Variants in TAB2 observed in about 807,000 individuals in gnomAD.
TAB2 encodes TGF-beta activated kinase 1 (MAP3K7) binding protein 2, also known as TGF-beta-activated kinase 1 and MAP3K7-binding protein 2.
In TAB2, 3 loss-of-function variants were observed where a neutral mutation model predicts 65.0. The ratio of observed to expected loss-of-function variants is 0.05; its 90% CI spans 0.02 to 0.12. TAB2 has a LOEUF of 0.12. Among genes scored for constraint, TAB2 ranks in the 10% least tolerant of loss-of-function variants. The pLI, the probability that TAB2 is intolerant of heterozygous loss-of-function variation, is 1.00. For missense variants in TAB2, 623 were observed against 840.3 expected (o/e 0.74, Z 3.20); for synonymous variants, 298 against 285.1 (o/e 1.05, Z -0.46).
intron 3 of TAB2, among the ~76,000 whole-genome samples, chr6:149,383,506 A>G (rs75743710): frequency 0.016 from 2,501 of 152,314 alleles, 75 homozygotes; most frequent in African/African-American, 0.057. Context: ...TGGGATTGGT[A>G]CTGTTCTCCA....
At chr6:149,256,099 C>T (rs1778026508) in intron 1 of TAB2, among the ~76,000 whole-genome samples, 2 of 152,124 alleles carry the variant, frequency 1.3e-5, no homozygotes, top group Non-Finnish European at 2.9e-5. Flanking sequence ...GAGACACTTC[C>T]AGAAAAGAAC....
Position 149,379,177 on chromosome 6 carries a change from AC to A in TAB2, c.1263del (p.Asn421LysfsTer6). The A allele has an allele frequency of 6.2e-7, 1 of 1,614,238 alleles. No individual in the cohort carries two copies. The highest frequency in any genetic ancestry group is 8.5e-7 in the Non-Finnish European group (1 of 1,180,042). ...TCTGGAGCATCTGCTGCCTCCAGGA[AC>A]ATGTCTGGGCAAGTGAGCATGGGTC... ...TNSGASAASRNMSGQVSMGPA... is the reference protein window; with the variant it reads ...TNSGASAASRXMSGQVSMGPA... On this transcript the variant is annotated frameshift_variant, in exon 3 of 7. Coordinates refer to ENST00000637181, the MANE Select transcript of TAB2 (RefSeq NM_001292034.3). LOFTEE classifies it high-confidence loss of function.
At chr6:149,275,296 G>GAAA in intron 1 of TAB2, among the ~76,000 whole-genome samples, 1 of 132,660 alleles carries the variant, frequency 7.5e-6, no homozygotes, top group African/African-American at 2.8e-5. Context: ...AAGAAAGAAA[G>GAAA]AAAGAGAAAA....
intron 1 of TAB2, among the ~76,000 whole-genome samples, chr6:149,271,140 A>G (rs1778355065): frequency 6.6e-6 from 1 of 152,022 alleles, no homozygotes; most frequent in Non-Finnish European, 1.5e-5. Context: ...CCCAGGAGTT[A>G]GAGGCTGCAG....
chr6:149,274,714 A>C (rs1778423150), intron 1 of TAB2, among the ~76,000 whole-genome samples: 1 of 152,202 alleles, frequency 6.6e-6, no homozygotes, highest in African/African-American at 2.4e-5. Context: ...TTCCAGACAA[A>C]GTGAGGACCA....
At chr6:149,403,618 T>G (rs569621768) in intron 6 of TAB2, among the ~76,000 whole-genome samples, 1 of 151,946 alleles carries the variant, frequency 6.6e-6, no homozygotes, top group South Asian at 2.1e-4. Flanking sequence ...TGGCTCACAG[T>G]TCTGCAGAAA....
chr6:149,332,171 T>TA (rs1779804374), intron 1 of TAB2, among the ~76,000 whole-genome samples: 1 of 152,166 alleles, frequency 6.6e-6, no homozygotes. Context: ...GCCTTTTTTT[T>TA]GGATGTGTTA....
At chr6:149,275,386 A>G (rs182141387) in intron 1 of TAB2, among the ~76,000 whole-genome samples, 4 of 152,220 alleles carry the variant, frequency 2.6e-5, no homozygotes, top group African/African-American at 9.6e-5. Context: ...TCCAATGGTC[A>G]AGGCAGGAAC....
chr6:149,367,556 T>C (rs1697794838), intron 1 of TAB2, among the ~76,000 whole-genome samples: 2 of 152,118 alleles, frequency 1.3e-5, no homozygotes, highest in South Asian at 2.1e-4. Context: ...TGACTCTGAT[T>C]TACTTTTCAC....
intron 3 of TAB2, among the ~76,000 whole-genome samples, chr6:149,384,785 G>A (rs543875188): frequency 1.3e-5 from 2 of 152,120 alleles, no homozygotes; most frequent in South Asian, 4.1e-4. Flanking sequence ...TATAGGTATG[G>A]AGGACAAAGC....
intron 1 of TAB2, among the ~76,000 whole-genome samples, chr6:149,259,282 C>G (rs1390268123): frequency 1.3e-5 from 2 of 151,526 alleles, no homozygotes; most frequent in African/African-American, 4.9e-5. Flanking sequence ...AAATGCTGAC[C>G]ACATCTGTTC....
At chr6:149,388,834 A>G (rs1781885500) in intron 3 of TAB2, among the ~76,000 whole-genome samples, 1 of 152,028 alleles carries the variant, frequency 6.6e-6, no homozygotes, top group South Asian at 2.1e-4. Flanking sequence ...TCTGCCTTAT[A>G]AATTTTTTAC....
intron 1 of TAB2, among the ~76,000 whole-genome samples, chr6:149,220,065 A>T (rs948527977): frequency 1.3e-5 from 2 of 152,192 alleles, no homozygotes; most frequent in Admixed American, 6.5e-5. Context: ...AGCCATGTTT[A>T]AAAAAATGAG....
At chr6:149,230,416 G>T (rs922791023) in intron 1 of TAB2, among the ~76,000 whole-genome samples, 1 of 152,170 alleles carries the variant, frequency 6.6e-6, no homozygotes, top group Non-Finnish European at 1.5e-5. Context: ...TTTATGCCCA[G>T]TAAGTCCACG....
rs77756076 is a variant in TAB2, at chr6:149,382,822, T to C, written c.1603+3304T>C. Among the ~76,000 whole-genome samples, 697 of 151,770 alleles carry C rather than the reference T, an allele frequency of 4.6e-3. 7 individuals carry two copies. Among genetic ancestry groups the C allele is most frequent in the African/African-American group, 0.015 (632 of 41,374 alleles). ...ACCATTAATTAAAAAAAGGCAACCA[T>C]AGGGAAAGATAACACAGTAAATAGA... On this transcript the variant is annotated intron_variant, in intron 3 of 6. Transcript: ENST00000637181.
chr6:149,352,794 A>G (rs779570280), intron 1 of TAB2, among the ~76,000 whole-genome samples: 3 of 152,208 alleles, frequency 2.0e-5, no homozygotes, highest in Admixed American at 6.5e-5. Flanking sequence ...CTTGGGCTTT[A>G]TACTTAGGGA....
chr6:149,377,295 G>A (rs1452441785), intron 2 of TAB2, among the ~76,000 whole-genome samples: 4 of 151,440 alleles, frequency 2.6e-5, no homozygotes, highest in East Asian at 2.0e-4. Flanking sequence ...TCCTGACCTC[G>A]TGATCCACCC....
At chr6:149,332,656 G>A (rs559052) in intron 1 of TAB2, among the ~76,000 whole-genome samples, 18,606 of 152,134 alleles carry the variant, frequency 0.12, 1,742 homozygotes, top group East Asian at 0.51. Context: ...CACTTATTAA[G>A]TGCCCGAATG....
intron 3 of TAB2, among the ~76,000 whole-genome samples, chr6:149,395,569 A>G (rs1177171598): frequency 1.3e-5 from 2 of 152,238 alleles, no homozygotes; most frequent in African/African-American, 2.4e-5. Flanking sequence ...TCAAGACCTT[A>G]GAATACTTCA....
Sources: gnomAD v4.1 joint callset for allele counts (sites outside exome capture counted in the v4.1 genomes callset) on GRCh38, gnomAD v4.1.1 for gene constraint, MANE v1.5 for transcripts, NCBI Gene and HGNC (gene_info 2026-07-23, HGNC 2026-07-21) for gene names.